ZNF93: variants seen among roughly 807,000 people sequenced by gnomAD.
The protein encoded by ZNF93 is zinc finger protein 505.
A neutral mutation model predicts 45.0 loss-of-function variants in ZNF93; 29 were observed. The ratio of observed to expected loss-of-function variants is 0.64; its 90% CI spans 0.48 to 0.88. The LOEUF (loss-of-function observed/expected upper bound fraction) is 0.88. Ranked by LOEUF, ZNF93 falls within the 40% of genes least tolerant of loss-of-function variation. The probability of loss-of-function intolerance (pLI) is 0.00; values close to 1 mark genes in which losing one functional copy is unlikely to be tolerated. For synonymous variants in ZNF93, 223 were observed against 244.6 expected (o/e 0.91, Z 0.82); for missense variants, 578 against 724.0 (o/e 0.80, Z 2.31).
At chr19:19,907,197 T>G (rs892445030) in intron 1 of ZNF93, among the ~76,000 whole-genome samples, 50 of 152,250 alleles carry the variant, frequency 3.3e-4, no homozygotes, top group African/African-American at 1.1e-3. Context: ...AAGTTTATTT[T>G]TTCCATTTTT....
At chr19:19,928,728 A>C (rs935942056) in intron 3 of ZNF93, among the ~76,000 whole-genome samples, 1 of 152,172 alleles carries the variant, frequency 6.6e-6, no homozygotes, top group East Asian at 1.9e-4. Context: ...GGATCTCACT[A>C]TGTTGCCCAG....
At position 19,934,887 on chromosome 19, in the gene ZNF93, T is replaced by TTA. The variant is rs1361628488; in HGVS notation, c.*70_*71dup. 1.1e-5 allele frequency: 17 copies of TTA among 1,493,400 alleles called. No homozygotes were observed. In the East Asian group the frequency reaches 3.4e-4, roughly 30 times the overall value. The allele number at this position is 1,493,400 out of a possible 1,614,324, so 92.5% of individuals were successfully genotyped here. ...TTACTATACACTGAGAGTTCTGAACTTACTCTGTAACCATCCCAAACTCCT... is the reference window on the plus strand; with the variant it reads ...TTACTATACACTGAGAGTTCTGAACTTATACTCTGTAACCATCCCAAACTCCT... On this transcript the variant is annotated 3_prime_UTR_variant, in exon 4 of 4. Transcript: ENST00000343769.
intron 1 of ZNF93, 151 bp downstream of exon 1, chr19:19,901,242 A>G: frequency 7.6e-7 from 1 of 1,315,830 alleles, no homozygotes; most frequent in African/African-American, 1.5e-5. Context: ...CCCTTCAGCC[A>G]TAAGATGGCG....
chr19:19,910,749 A>G (rs1295775267), intron 1 of ZNF93, among the ~76,000 whole-genome samples: 2 of 151,518 alleles, frequency 1.3e-5, no homozygotes, highest in African/African-American at 4.9e-5. Context: ...TTGCTGTAAC[A>G]CCAAAGGATG....
chr19:19,903,344 A>G (rs1228988099), intron 1 of ZNF93, among the ~76,000 whole-genome samples: 4 of 152,158 alleles, frequency 2.6e-5, no homozygotes, highest in Non-Finnish European at 5.9e-5. Context: ...CTTAGGAGGG[A>G]TGTAAAGTGG....
chr19:19,931,542 T>A (rs1049246248), intron 3 of ZNF93, among the ~76,000 whole-genome samples: 1 of 151,374 alleles, frequency 6.6e-6, no homozygotes, highest in Non-Finnish European at 1.5e-5. Context: ...TATTTGTATT[T>A]TTTGTAGAGA....
At chr19:19,911,312 G>C (rs1292589147) in intron 1 of ZNF93, among the ~76,000 whole-genome samples, 1 of 152,208 alleles carries the variant, frequency 6.6e-6, no homozygotes, top group Non-Finnish European at 1.5e-5. Context: ...TGAGGCATTT[G>C]AGGATGTCCA....
At chr19:19,916,753 T>C (rs960380337) in intron 3 of ZNF93, 98 bp downstream of exon 3, 2 of 894,726 alleles carry the variant, frequency 2.2e-6, no homozygotes, top group Admixed American at 2.7e-5. Context: ...GGAAGCTGTG[T>C]TCCAAAGGAA....
rs761696074 is a variant in ZNF93, at chr19:19,916,619, A to G, written c.190A>G (p.Thr64Ala). The change falls in exon 3 of 4, where the codon ACT (threonine) becomes GCT (alanine). Residue 64 changes from threonine (T) to alanine (A), a missense_variant. This residue lies in a region of ZNF93 where 446 missense variants were observed against 547.6 expected (regional missense o/e 0.81). Transcript: ENST00000343769. ...TCTGGAGCAAGGAAAAAAACCTTTG[A>G]CTATGAAGAGACATGAGATGGTAGC... ...AHLEQGKKPL[T>A]MKRHEMVANP... The G allele has an allele frequency of 6.2e-7, 1 of 1,612,364 alleles. No homozygotes were observed. The highest frequency in any genetic ancestry group is 8.5e-7 in the Non-Finnish European group (1 of 1,179,380).
At chr19:19,924,114 T>G (rs1393816629) in intron 3 of ZNF93, among the ~76,000 whole-genome samples, 1 of 152,064 alleles carries the variant, frequency 6.6e-6, no homozygotes, top group African/African-American at 2.4e-5. Context: ...TTTGGTGGGA[T>G]TTCAGTCTTG....
chr19:19,928,410 G>A (rs983770983), intron 3 of ZNF93, among the ~76,000 whole-genome samples: 62 of 152,166 alleles, frequency 4.1e-4, no homozygotes, highest in African/African-American at 1.4e-3. Flanking sequence ...ATATTGAAGA[G>A]TGTGTTTCAT....
intron 1 of ZNF93, among the ~76,000 whole-genome samples, chr19:19,905,527 T>C (rs2122160911): frequency 6.6e-6 from 1 of 152,332 alleles, no homozygotes; most frequent in Non-Finnish European, 1.5e-5. Flanking sequence ...TCAAAGTTAT[T>C]GCAAAGAACA....
Position 19,929,249 on chromosome 19 carries a change from T to C in ZNF93, c.227-3933T>C, listed in dbSNP as rs957222293. ...TGAAATCCTCACCAGAAGCAGATGC[T>C]GGCACACACTTCTTATACACTCTGC... On this transcript the variant is annotated intron_variant, in intron 3 of 3. Coordinates refer to ENST00000343769, the MANE Select transcript of ZNF93 (RefSeq NM_031218.4). 1.3e-4 allele frequency among the ~76,000 whole-genome samples: 20 copies of C among 152,360 alleles called. 1 individual carries two copies. Among genetic ancestry groups the C allele is most frequent in the Admixed American group, 9.8e-4 (15 of 15,304 alleles).
intron 1 of ZNF93, among the ~76,000 whole-genome samples, chr19:19,902,116 C>CT (rs1164970411): frequency 1.3e-5 from 2 of 152,116 alleles, no homozygotes; most frequent in Non-Finnish European, 2.9e-5. Context: ...TTAAAATTTC[C>CT]TTCCCTTATG....
At chr19:19,917,544 G>T (rs2063328080) in intron 3 of ZNF93, among the ~76,000 whole-genome samples, 1 of 151,396 alleles carries the variant, frequency 6.6e-6, no homozygotes, top group African/African-American at 2.4e-5. Flanking sequence ...TTTCTGTTTT[G>T]GTAATTTACT....
chr19:19,905,112 C>T (rs576107245), intron 1 of ZNF93, among the ~76,000 whole-genome samples: 2 of 152,170 alleles, frequency 1.3e-5, no homozygotes, highest in Admixed American at 6.5e-5. Flanking sequence ...TGCATTCGCA[C>T]GGAAACAAAT....
intron 1 of ZNF93, among the ~76,000 whole-genome samples, chr19:19,910,498 ACT>A (rs1285659510): frequency 1.3e-5 from 2 of 151,936 alleles, no homozygotes; most frequent in Non-Finnish European, 2.9e-5. Flanking sequence ...GTATCAGCCC[ACT>A]CTCTGTCCCT....
chr19:19,910,098 C>T (rs1487532149), intron 1 of ZNF93, among the ~76,000 whole-genome samples: 2 of 152,194 alleles, frequency 1.3e-5, no homozygotes, highest in East Asian at 3.9e-4. Flanking sequence ...TGAGAATCTC[C>T]ACTTTCCCCT....
intron 3 of ZNF93, chr19:19,927,451 A>G (rs150349030): frequency 2.7e-4 from 95 of 350,680 alleles, no homozygotes; most frequent in African/African-American, 1.7e-3. Flanking sequence ...CTTAAATTCA[A>G]TGTCCATTAA....
Sources: allele counts gnomAD v4.1 joint callset (sites outside exome capture counted in the v4.1 genomes callset), GRCh38; gene constraint gnomAD v4.1.1; regional missense constraint gnomAD v4.1.1; transcripts MANE v1.5; gene names NCBI Gene and HGNC (gene_info 2026-07-23, HGNC 2026-07-21).